Variants in HOMER1 observed in about 807,000 individuals in gnomAD.
HOMER1 encodes the protein homer protein homolog 1.
In HOMER1, 3 loss-of-function variants were observed where a neutral mutation model predicts 48.9. The ratio of observed to expected loss-of-function variants is 0.06; its 90% CI spans 0.03 to 0.16. HOMER1 has a LOEUF of 0.16. HOMER1 is among the 10% of genes least tolerant of loss of function. HOMER1 has a pLI of 1.00. For synonymous variants in HOMER1, 134 were observed against 146.4 expected, an observed-to-expected ratio of 0.92 and a Z score of 0.61; for missense variants, 247 against 411.4, an observed-to-expected ratio of 0.60 and a Z score of 3.46.
At chr5:79,500,797 G>A (rs1055822042) in intron 1 of HOMER1, among the ~76,000 whole-genome samples, 21 of 151,774 alleles carry the variant, frequency 1.4e-4, no homozygotes, top group African/African-American at 4.6e-4. Context: ...GCTAATTTTT[G>A]CACTTTTAGT....
chr5:79,459,651 A>T (rs1751262297), intron 1 of HOMER1, among the ~76,000 whole-genome samples: 1 of 152,252 alleles, frequency 6.6e-6, no homozygotes, highest in Admixed American at 6.5e-5. Context: ...TTTATTGAAT[A>T]TCTATTATAT....
intron 8 of HOMER1, among the ~76,000 whole-genome samples, chr5:79,382,638 C>A (rs1173918688): frequency 6.6e-6 from 1 of 152,178 alleles, no homozygotes; most frequent in Non-Finnish European, 1.5e-5. Flanking sequence ...CACCACTATA[C>A]CAGCCCTACA....
intron 1 of HOMER1, among the ~76,000 whole-genome samples, chr5:79,477,791 C>T (rs991831508): frequency 6.6e-6 from 1 of 151,894 alleles, no homozygotes; most frequent in South Asian, 2.1e-4. Flanking sequence ...AGATAGAAAA[C>T]AGGTCCATGA....
chr5:79,464,757 C>G (rs1751408796), intron 1 of HOMER1, among the ~76,000 whole-genome samples: 1 of 152,148 alleles, frequency 6.6e-6, no homozygotes, highest in South Asian at 2.1e-4. Flanking sequence ...TAACATACTA[C>G]CAACTGTATG....
chr5:79,477,201 T>G (rs1301870388), intron 1 of HOMER1, among the ~76,000 whole-genome samples: 1 of 152,214 alleles, frequency 6.6e-6, no homozygotes, highest in Non-Finnish European at 1.5e-5. Context: ...CAGTCTAGCC[T>G]CACCTGTAAT....
intron 5 of HOMER1, among the ~76,000 whole-genome samples, chr5:79,426,188 T>C (rs1208192758): frequency 6.6e-6 from 1 of 152,100 alleles, no homozygotes; most frequent in Non-Finnish European, 1.5e-5. Flanking sequence ...GGTATATTAG[T>C]ACAGCCACTA....
At chr5:79,467,345 T>C (rs1193390717) in intron 1 of HOMER1, among the ~76,000 whole-genome samples, 2 of 136,692 alleles carry the variant, frequency 1.5e-5, no homozygotes, top group African/African-American at 2.8e-5. Context: ...GAGCCGAGAT[T>C]GCACCATTGC....
At chr5:79,434,126 A>T (rs1470197151) in intron 5 of HOMER1, among the ~76,000 whole-genome samples, 1 of 152,140 alleles carries the variant, frequency 6.6e-6, no homozygotes, top group Non-Finnish European at 1.5e-5. Flanking sequence ...AGCTTCACAA[A>T]CTGCTAATGT....
intron 1 of HOMER1, among the ~76,000 whole-genome samples, chr5:79,490,579 C>T (rs1752240168): frequency 6.6e-6 from 1 of 151,902 alleles, no homozygotes; most frequent in South Asian, 2.1e-4. Context: ...TTCATGGCTC[C>T]ATCACAGCCC....
At chr5:79,449,317 T>G (rs1478559381) in intron 3 of HOMER1, among the ~76,000 whole-genome samples, 3 of 152,212 alleles carry the variant, frequency 2.0e-5, no homozygotes, top group Non-Finnish European at 2.9e-5. Flanking sequence ...ACATATAATT[T>G]CTCAACAGAA....
intron 5 of HOMER1, among the ~76,000 whole-genome samples, chr5:79,424,373 C>T (rs1253615092): frequency 6.6e-6 from 1 of 151,894 alleles, no homozygotes. Flanking sequence ...TGTATAAAAG[C>T]TCTTGGTTAA....
chr5:79,394,781 G>A (rs1381979619), intron 8 of HOMER1, among the ~76,000 whole-genome samples: 5 of 152,092 alleles, frequency 3.3e-5, no homozygotes, highest in African/African-American at 1.2e-4. Flanking sequence ...TGTTGCCCAG[G>A]TTGGCCTTGA....
intron 5 of HOMER1, among the ~76,000 whole-genome samples, chr5:79,432,843 T>TA (rs148246833): frequency 0.27 from 40,569 of 152,028 alleles, 5,554 homozygotes; most frequent in South Asian, 0.37. Context: ...ACAATTATAG[T>TA]AAAAAAATTC....
chr5:79,401,913 G>T lies in HOMER1; in HGVS notation c.670C>A (p.Arg224Ser). The change falls in exon 6 of 9, where the codon CGT becomes AGT. Residue 224 changes from arginine (R) to serine (S), a missense_variant. By Grantham distance (110) the Arg-to-Ser change is moderately radical. Coordinates refer to ENST00000334082, the MANE Select transcript of HOMER1 (RefSeq NM_004272.5). ...QLAAYQEEAE[R>S]LHKRVTELEC... ...CCTGAAATTACCCGCTTGTGCAGAC[G>T]TTCTGCTTCCTCTTGATAGGCAGCA... 6.2e-7 allele frequency: 1 copy of T among 1,613,846 alleles called. No homozygotes were observed. The highest frequency in any genetic ancestry group is 8.5e-7 in the Non-Finnish European group (1 of 1,179,822).
At chr5:79,378,221 T>TTAA (rs756900477) in intron 8 of HOMER1, among the ~76,000 whole-genome samples, 9 of 97,484 alleles carry the variant, frequency 9.2e-5, no homozygotes, top group East Asian at 3.0e-4. Flanking sequence ...AGACTCTGTC[T>TTAA]CAAAAAAAAA....
intron 1 of HOMER1, among the ~76,000 whole-genome samples, chr5:79,502,809 G>A (rs1752632015): frequency 1.3e-5 from 2 of 152,270 alleles, no homozygotes; most frequent in East Asian, 3.9e-4. Flanking sequence ...TTGTGTGTGT[G>A]TGAGACAGTC....
intron 1 of HOMER1, among the ~76,000 whole-genome samples, chr5:79,498,716 ATACAATATGG>A (rs527511063): frequency 3.9e-4 from 59 of 152,272 alleles, no homozygotes; most frequent in African/African-American, 1.3e-3. Flanking sequence ...TTAAATCTGG[ATACAATATGG>A]TCCAACCTTC....
chr5:79,412,408 T>C (rs559753381), intron 5 of HOMER1, among the ~76,000 whole-genome samples: 3 of 152,358 alleles, frequency 2.0e-5, no homozygotes, highest in Admixed American at 1.3e-4. Context: ...CTTAAAGTTA[T>C]CTGTGTTTAT....
chr5:79,381,779 G>GA (rs1748984584), intron 8 of HOMER1, among the ~76,000 whole-genome samples: 1 of 151,974 alleles, frequency 6.6e-6, no homozygotes, highest in Admixed American at 6.5e-5. Context: ...CAGCTACTCT[G>GA]AAGGCTGAGG....
Sources: allele counts gnomAD v4.1 joint callset (sites outside exome capture counted in the v4.1 genomes callset), GRCh38; gene constraint gnomAD v4.1.1; transcripts MANE v1.5; gene names NCBI Gene and HGNC (gene_info 2026-07-23, HGNC 2026-07-21).